TRAK1: variants seen among roughly 807,000 people sequenced by gnomAD.
The protein encoded by TRAK1 is trafficking kinesin protein 1.
In TRAK1, 33 loss-of-function variants were observed where a neutral mutation model predicts 92.1. The ratio of observed to expected loss-of-function variants is 0.36; its 90% CI spans 0.27 to 0.48. The LOEUF (loss-of-function observed/expected upper bound fraction) is 0.48, where lower values mean the gene tolerates loss of function less well. TRAK1 is among the 20% of genes least tolerant of loss of function. The pLI is 0.99. For missense variants in TRAK1, 1,123 were observed against 1,257.9 expected, an observed-to-expected ratio of 0.89 and a Z score of 1.62; for synonymous variants, 521 against 517.3, an observed-to-expected ratio of 1.01 and a Z score of -0.10.
At chr3:42,216,798 A>G (rs925344969) in intron 14 of TRAK1, among the ~76,000 whole-genome samples, 7 of 152,332 alleles carry the variant, frequency 4.6e-5, no homozygotes, top group African/African-American at 1.7e-4. Flanking sequence ...TTAATACTCT[A>G]ACCCATTTAA....
At chr3:42,054,840 G>C (rs979126430) in intron 1 of TRAK1, among the ~76,000 whole-genome samples, 23 of 142,596 alleles carry the variant, frequency 1.6e-4, no homozygotes, top group African/African-American at 6.0e-4. Context: ...TAATACAGCT[G>C]TGTATGCCCA....
chr3:42,134,207 C>CCCCT (rs1559813418), intron 2 of TRAK1, among the ~76,000 whole-genome samples: 1 of 68,050 alleles, frequency 1.5e-5, no homozygotes, highest in Non-Finnish European at 2.8e-5. Context: ...CTTCCCCTTC[C>CCCCT]CCCCTCCCCT....
chr3:42,145,925 T>G (rs1474655333), intron 2 of TRAK1: 1 of 245,822 alleles, frequency 4.1e-6, no homozygotes, highest in Non-Finnish European at 7.9e-6. Context: ...CAGCCAGTGC[T>G]CCTCTATCCC....
chr3:42,098,332 G>A (rs2149001227), intron 1 of TRAK1, among the ~76,000 whole-genome samples: 1 of 152,272 alleles, frequency 6.6e-6, no homozygotes, highest in African/African-American at 2.4e-5. Context: ...GCACTTCACG[G>A]GTCGTACTGG....
intron 1 of TRAK1, among the ~76,000 whole-genome samples, chr3:42,026,056 CTT>C (rs1209262907): frequency 6.6e-6 from 1 of 151,932 alleles, no homozygotes; most frequent in African/African-American, 2.4e-5. Context: ...CCCTCTGTCT[CTT>C]TCTTGCTTTC....
At chr3:42,216,067 G>A (rs770226281) in intron 14 of TRAK1, among the ~76,000 whole-genome samples, 1 of 152,170 alleles carries the variant, frequency 6.6e-6, no homozygotes, top group Admixed American at 6.5e-5. Flanking sequence ...TGTACAAATT[G>A]TATTATGGGC....
At chr3:42,167,579 G>A (rs1256599111) in intron 2 of TRAK1, among the ~76,000 whole-genome samples, 1 of 152,144 alleles carries the variant, frequency 6.6e-6, no homozygotes, top group Admixed American at 6.5e-5. Context: ...ATTTTGTTTT[G>A]TTTTTAAAAC....
At chr3:42,154,657 C>T (rs937228742) in intron 2 of TRAK1, among the ~76,000 whole-genome samples, 1 of 152,088 alleles carries the variant, frequency 6.6e-6, no homozygotes, top group Non-Finnish European at 1.5e-5. Flanking sequence ...TCTTGAACTC[C>T]TAGGCTCAAG....
chr3:42,174,871 CTG>C (rs1703002043), intron 2 of TRAK1, among the ~76,000 whole-genome samples: 1 of 151,726 alleles, frequency 6.6e-6, no homozygotes, highest in South Asian at 2.1e-4. Context: ...CCGGCCCCCT[CTG>C]TGTTATTTCT....
intron 3 of TRAK1, among the ~76,000 whole-genome samples, chr3:42,179,754 G>A (rs1486040263): frequency 6.6e-6 from 1 of 152,224 alleles, no homozygotes; most frequent in South Asian, 2.1e-4. Flanking sequence ...GTTAGAATGA[G>A]CTCTACCTTG....
intron 2 of TRAK1, among the ~76,000 whole-genome samples, chr3:42,141,005 C>A (rs1698578986): frequency 6.6e-6 from 1 of 152,156 alleles, no homozygotes. Flanking sequence ...CTGGGCATGC[C>A]TGTGCTGATC....
At position 42,045,697 on chromosome 3, in the gene TRAK1, C is replaced by T. The variant is rs564900043; in HGVS notation, c.-519+31580C>T. On this transcript the variant is annotated intron_variant, in intron 1 of 16. Coordinates refer to the TRAK1 transcript ENST00000487159. Reference sequence around the variant, plus strand: ...ACTTTGGAGAGATGGGAGTAGGGGGCATTTGCTGGACTTGAATTTACACCT... The same window carrying T: ...ACTTTGGAGAGATGGGAGTAGGGGGTATTTGCTGGACTTGAATTTACACCT... Among the ~76,000 whole-genome samples the T allele has an allele frequency of 2.6e-5, 4 of 152,270 alleles. No individual in the cohort carries two copies. The South Asian group carries it at 8.3e-4, about 32-fold the overall frequency.
intron 4 of TRAK1, 102 bp from the exon 5 acceptor site, chr3:42,187,943 T>C: frequency 1.0e-6 from 1 of 983,916 alleles, no homozygotes; most frequent in Non-Finnish European, 1.6e-6. Flanking sequence ...TGGTGAATTT[T>C]CAGAAAAATA....
chr3:42,211,766 C>T lies in TRAK1; in HGVS notation c.1963+1781C>T, dbSNP rs56089805. 385 of 985,394 alleles carry T rather than the reference C, an allele frequency of 3.9e-4. 3 individuals carry two copies. The African/African-American group carries it at 6.5e-3, about 17-fold the overall frequency. 61.0% of individuals were successfully genotyped at this position (985,394 alleles called of 1,614,324 possible). On this transcript the variant is annotated intron_variant, in intron 14 of 15. Transcript: ENST00000327628. ...ATTATGAGGACTGACATCCTGGCCACTCTCCTTAAAATAAACACTGACATT... is the reference window on the plus strand; with the variant it reads ...ATTATGAGGACTGACATCCTGGCCATTCTCCTTAAAATAAACACTGACATT...
intron 14 of TRAK1, chr3:42,211,840 G>A (rs1577039359): frequency 3.0e-6 from 3 of 985,280 alleles, no homozygotes; most frequent in East Asian, 2.3e-4. Flanking sequence ...ATTCATCCTA[G>A]CAACGTTATT....
intron 1 of TRAK1, among the ~76,000 whole-genome samples, chr3:42,068,263 A>T (rs147133448): frequency 7.4e-4 from 112 of 152,186 alleles, no homozygotes; most frequent in Non-Finnish European, 1.4e-3. Context: ...GGCTCAAGCG[A>T]TCCTTCTACT....
chr3:42,104,947 ATCTT>A (rs1707315560), intron 1 of TRAK1, among the ~76,000 whole-genome samples: 1 of 131,302 alleles, frequency 7.6e-6, no homozygotes, highest in African/African-American at 2.8e-5. Flanking sequence ...GAAGCTAAAA[ATCTT>A]TTTTTTTTTT....
At chr3:42,203,115 T>C (rs1576994907) in intron 13 of TRAK1, 1 of 1,230,198 alleles carries the variant, frequency 8.1e-7, no homozygotes, top group Non-Finnish European at 1.0e-6. Flanking sequence ...TGCCTGTGGG[T>C]GTGAGGAATG....
At chr3:42,108,011 T>C (rs1707831136) in intron 1 of TRAK1, among the ~76,000 whole-genome samples, 1 of 151,888 alleles carries the variant, frequency 6.6e-6, no homozygotes, top group Non-Finnish European at 1.5e-5. Flanking sequence ...GAAGGCAGCC[T>C]TTGAGAAAGG....
Sources: gnomAD v4.1 joint callset for allele counts (sites outside exome capture counted in the v4.1 genomes callset) on GRCh38, gnomAD v4.1.1 for gene constraint, MANE v1.5 for transcripts, NCBI Gene and HGNC (gene_info 2026-07-23, HGNC 2026-07-21) for gene names.